The following PLXNA1 variants were observed in gnomAD, a reference collection of about 807,000 sequenced individuals.
PLXNA1 encodes the protein plexin A1, also known as plexin-A1.
A neutral mutation model predicts 191.7 loss-of-function variants in PLXNA1; 77 were observed. The ratio of observed to expected loss-of-function variants is 0.40; its 90% CI spans 0.33 to 0.49. The LOEUF (loss-of-function observed/expected upper bound fraction) is 0.49, where lower values mean the gene tolerates loss of function less well. Among genes scored for constraint, PLXNA1 ranks in the 20% least tolerant of loss-of-function variants. The pLI is 0.63. For missense variants in PLXNA1, 2,110 were observed against 2,660.2 expected (o/e 0.79, Z 4.55); for synonymous variants, 1,137 against 1,156.4 (o/e 0.98, Z 0.34).
chr3:126,983,246 G>T lies in PLXNA1; in HGVS notation c.-115G>T, dbSNP rs921181815. 7.0e-6 allele frequency among the ~76,000 whole-genome samples: 1 copy of T among 143,328 alleles called. No individual in the cohort carries two copies. The highest frequency in any genetic ancestry group is 1.5e-5 in the Non-Finnish European group (1 of 64,756). The allele number at this position is 143,328 out of a possible 152,430, so 94.0% of individuals were successfully genotyped here. A position where few individuals can be genotyped will look rare whatever the true frequency, so the allele number is the denominator to read the frequency against. On this transcript the variant is annotated 5_prime_UTR_variant, in exon 1 of 32. Coordinates refer to ENST00000393409, the MANE Select transcript of PLXNA1 (RefSeq NM_032242.4). ...CGGCGGCGGCGGCGCGGGCGGCTGGGCGCGGCGATGGCCGGCGGCGGGGCG... is the reference window on the plus strand; with the variant it reads ...CGGCGGCGGCGGCGCGGGCGGCTGGTCGCGGCGATGGCCGGCGGCGGGGCG...
chr3:126,995,962 C>T (rs1455282375), intron 3 of PLXNA1, among the ~76,000 whole-genome samples: 1 of 152,204 alleles, frequency 6.6e-6, no homozygotes, highest in Non-Finnish European at 1.5e-5. Flanking sequence ...GCTGCAGCTG[C>T]AGTTCCCTGT....
At chr3:126,991,131 C>T (rs1318927915) in intron 2 of PLXNA1, among the ~76,000 whole-genome samples, 1 of 152,234 alleles carries the variant, frequency 6.6e-6, no homozygotes, top group Non-Finnish European at 1.5e-5. Flanking sequence ...GCCCCCTCCA[C>T]ACTGGCCCCC....
At chr3:127,025,355 C>T (rs1029309113) in intron 23 of PLXNA1, among the ~76,000 whole-genome samples, 8 of 152,164 alleles carry the variant, frequency 5.3e-5, no homozygotes, top group South Asian at 2.1e-4. Context: ...CCCTTCACTT[C>T]GTAATCTATT....
At chr3:126,986,548 G>A (rs1336814000) in intron 1 of PLXNA1, among the ~76,000 whole-genome samples, 1 of 152,156 alleles carries the variant, frequency 6.6e-6, no homozygotes, top group Non-Finnish European at 1.5e-5. Context: ...CTGGCCCTCC[G>A]CATACCCTTC....
At chr3:126,998,050 G>A (rs2079022698) in intron 3 of PLXNA1, among the ~76,000 whole-genome samples, 1 of 152,182 alleles carries the variant, frequency 6.6e-6, no homozygotes, top group Non-Finnish European at 1.5e-5. Flanking sequence ...AGCGTGCAGT[G>A]GGTATGGAGG....
At chr3:127,015,356 CCCT>C in intron 15 of PLXNA1, 36 bp downstream of exon 15, 5 of 1,582,442 alleles carry the variant, frequency 3.2e-6, no homozygotes, top group Non-Finnish European at 4.3e-6. Flanking sequence ...GCCTGGCTGC[CCCT>C]CCTCCTGTTT....
intron 9 of PLXNA1, among the ~76,000 whole-genome samples, chr3:127,011,302 T>C (rs2079094526): frequency 6.6e-6 from 1 of 152,120 alleles, no homozygotes; most frequent in African/African-American, 2.4e-5. Flanking sequence ...TTGTTAACTC[T>C]GCTTCCCTGG....
At chr3:127,002,603 C>G (rs912836564) in intron 3 of PLXNA1, among the ~76,000 whole-genome samples, 1 of 152,232 alleles carries the variant, frequency 6.6e-6, no homozygotes, top group Non-Finnish European at 1.5e-5. Flanking sequence ...CAGCCCGCAG[C>G]CTGAGAGCCT....
intron 9 of PLXNA1, among the ~76,000 whole-genome samples, chr3:127,011,358 T>C (rs1487971680): frequency 6.6e-6 from 1 of 152,166 alleles, no homozygotes; most frequent in Non-Finnish European, 1.5e-5. Context: ...TCTTGGGTCC[T>C]GGAAAATCTC....
chr3:127,006,589 G>A (rs902718441), intron 8 of PLXNA1, among the ~76,000 whole-genome samples: 4 of 152,168 alleles, frequency 2.6e-5, no homozygotes, highest in African/African-American at 7.2e-5. Flanking sequence ...GAGGGGAGGC[G>A]CTCAGGGAGG....
In PLXNA1 at chr3:126,989,330, A is replaced by G; in HGVS notation, c.737A>G (p.Tyr246Cys). The stretch of plus-strand genomic sequence containing the variant: ...AAGTTCCCGGCCTTTGACATCTACT[A>G]TGTGTACAGCTTCCGCAGCGAGCAG... ...LSKFPAFDIY[Y>C]VYSFRSEQFV... Residue 246 changes from tyrosine to cysteine, a missense_variant, in exon 2 of 32, where the codon TAT (tyrosine) becomes TGT (cysteine). By Grantham distance (194) the Tyr-to-Cys change is radical. This residue lies in a region of PLXNA1 where 903 missense variants were observed against 1,015.7 expected (regional missense o/e 0.89). Transcript: ENST00000393409. 6.2e-7 allele frequency: 1 copy of G among 1,613,634 alleles called. No individual in the cohort carries two copies. The highest frequency in any genetic ancestry group is 8.5e-7 in the Non-Finnish European group (1 of 1,180,024).
intron 29 of PLXNA1, among the ~76,000 whole-genome samples, chr3:127,031,670 C>T (rs921618672): frequency 3.9e-5 from 6 of 152,322 alleles, no homozygotes; most frequent in African/African-American, 7.2e-5. Flanking sequence ...GCCCACTGCT[C>T]GCGGAGTCTA....
rs573845110 is a variant in PLXNA1 at position 127,018,464 on chromosome 3, A to T, written c.3831A>T (p.Thr1277=). 1 of 1,612,902 alleles carries T rather than the reference A, an allele frequency of 6.2e-7. No homozygotes were observed. The part of the protein sequence containing the change: ...YKRKSRDADR[T]LKRLQLQMDN... ...GCAAGTCACGAGATGCTGACCGCAC[A>T]CTCAAGCGGCTGCAGCTCCAGATGG... Residue 1277 remains threonine, a synonymous_variant, in exon 20 of 32, where the codon ACA becomes ACT. Coordinates refer to ENST00000393409, the MANE Select transcript of PLXNA1 (RefSeq NM_032242.4).
intron 28 of PLXNA1, 84 bp downstream of exon 28, chr3:127,030,148 C>T (rs571323053): frequency 1.2e-4 from 193 of 1,583,580 alleles, no homozygotes; most frequent in Non-Finnish European, 1.1e-4. Context: ...AAGGGCCTCA[C>T]CCCCATGCTC....
At chr3:127,023,762 C>T (rs1272381763) in intron 23 of PLXNA1, among the ~76,000 whole-genome samples, 2 of 152,282 alleles carry the variant, frequency 1.3e-5, no homozygotes, top group East Asian at 1.9e-4. Context: ...CCGGGAGAGA[C>T]ACTGGACGGG....
intron 1 of PLXNA1, 56 bp from the exon 2 acceptor site, chr3:126,988,465 A>G: frequency 1.2e-6 from 1 of 838,822 alleles, no homozygotes; most frequent in Non-Finnish European, 1.8e-6. Context: ...GGAGATCATA[A>G]TATCATGGGA....
At chr3:127,003,300 A>G (rs763231744) in intron 3 of PLXNA1, 30 bp from the exon 4 acceptor site, 1 of 1,563,692 alleles carries the variant, frequency 6.4e-7, no homozygotes, top group African/African-American at 1.3e-5. Flanking sequence ...GTATCAGCAC[A>G]GCTCCAGTTA....
intron 3 of PLXNA1, among the ~76,000 whole-genome samples, chr3:127,000,193 C>T (rs1182886133): frequency 1.3e-5 from 2 of 151,992 alleles, no homozygotes; most frequent in African/African-American, 2.4e-5. Context: ...GTGGAAGGTT[C>T]TGGTGGTCTT....
intron 20 of PLXNA1, among the ~76,000 whole-genome samples, chr3:127,019,569 GGA>G (rs1041556872): frequency 1.4e-4 from 22 of 152,220 alleles, no homozygotes; most frequent in African/African-American, 5.3e-4. Flanking sequence ...GCGATGCCCA[GGA>G]GACGAAGACT....
Sources: allele counts gnomAD v4.1 joint callset (sites outside exome capture counted in the v4.1 genomes callset), GRCh38; gene constraint gnomAD v4.1.1; regional missense constraint gnomAD v4.1.1; transcripts MANE v1.5; gene names NCBI Gene and HGNC (gene_info 2026-07-23, HGNC 2026-07-21).